Variants in ITPR2 observed in about 807,000 individuals in gnomAD.
ITPR2 encodes inositol 1,4,5-trisphosphate-gated calcium channel ITPR2.
Under a neutral mutation model 317.1 loss-of-function variants are expected in ITPR2, and 207 were observed. The observed-to-expected ratio is 0.65, with a 90% CI of 0.58 to 0.73. The LOEUF (loss-of-function observed/expected upper bound fraction) is 0.73, where lower values mean the gene tolerates loss of function less well. Among genes scored for constraint, ITPR2 ranks in the 30% least tolerant of loss-of-function variants. The pLI is 0.00. For missense variants in ITPR2, 2,613 were observed against 3,284.0 expected, an observed-to-expected ratio of 0.80 and a Z score of 4.99; for synonymous variants, 1,156 against 1,149.1, an observed-to-expected ratio of 1.01 and a Z score of -0.12.
At position 26,339,301 on chromosome 12, in the gene ITPR2, A is replaced by G. The variant is rs142306334; in HGVS notation, c.*96T>C. 9.9e-5 allele frequency: 103 copies of G among 1,042,502 alleles called. No homozygotes were observed. The African/African-American group carries it at 1.2e-3, about 12-fold the overall frequency. 64.6% of individuals were successfully genotyped at this position (1,042,502 alleles called of 1,614,324 possible). A position where few individuals can be genotyped will look rare whatever the true frequency, so the allele number is the denominator to read the frequency against. On this transcript the variant is annotated 3_prime_UTR_variant, in exon 57 of 57. Coordinates refer to ENST00000381340, the MANE Select transcript of ITPR2 (RefSeq NM_002223.4). ...GCACTTGGTTGTTTTTAACTTTTCA[A>G]CAATAGGCACTGTTCACTCCCCTCC...
At chr12:26,526,955 T>C (rs1943824003) in intron 37 of ITPR2, among the ~76,000 whole-genome samples, 1 of 152,224 alleles carries the variant, frequency 6.6e-6, no homozygotes. Flanking sequence ...AACCAAACAC[T>C]CAGTCCTGGG....
intron 21 of ITPR2, among the ~76,000 whole-genome samples, chr12:26,647,166 CA>C (rs1947132308): frequency 6.6e-6 from 1 of 152,224 alleles, no homozygotes; most frequent in East Asian, 1.9e-4. Context: ...CAGTCCCGTT[CA>C]AACAGCAAGC....
rs142291530 is a variant in ITPR2, at chr12:26,396,906, A to G, written c.7696+1970T>C. Among the ~76,000 whole-genome samples the G allele has an allele frequency of 2.6e-3, 393 of 152,296 alleles. 1 individual carries two copies. Among genetic ancestry groups the G allele is most frequent in the African/African-American group, 9.0e-3 (376 of 41,570 alleles). ...CTTTCATATCCTTTCCTAAGCATCA[A>G]GATTTAAAGATTTTATCTCCTAAAT... is the stretch of plus-strand genomic sequence containing the variant. On this transcript the variant is annotated intron_variant, in intron 54 of 56. Transcript: ENST00000381340.
At chr12:26,630,800 TC>T (rs911540651) in intron 22 of ITPR2, 3 of 152,150 alleles carry the variant, frequency 2.0e-5, no homozygotes, top group Non-Finnish European at 4.4e-5. Flanking sequence ...TTAGAGTTTG[TC>T]CCATGAGTCA....
intron 21 of ITPR2, among the ~76,000 whole-genome samples, chr12:26,647,900 AC>A (rs1439760017): frequency 6.6e-6 from 1 of 152,158 alleles, no homozygotes; most frequent in Non-Finnish European, 1.5e-5. Context: ...TTCTGAACGG[AC>A]CACCTTTAGG....
chr12:26,646,491 C>G (rs1359021104), intron 21 of ITPR2, among the ~76,000 whole-genome samples: 1 of 152,142 alleles, frequency 6.6e-6, no homozygotes, highest in African/African-American at 2.4e-5. Flanking sequence ...GGCTCTTTGC[C>G]AGGAGATGGA....
At chr12:26,643,046 A>G (rs573995296) in intron 21 of ITPR2, among the ~76,000 whole-genome samples, 97 of 152,318 alleles carry the variant, frequency 6.4e-4, no homozygotes, top group South Asian at 1.7e-3. Context: ...AGGAGTCCTC[A>G]TGAATGGGAC....
rs188611737 is a variant in ITPR2 at position 26,399,731 on chromosome 12, T to C, written c.7530+397A>G. Reference sequence around the variant, plus strand: ...CCTGTTAGAATTTGCTCAAATGTTATATTTATCATAGATAAATGATGGAGG... The same window carrying C: ...CCTGTTAGAATTTGCTCAAATGTTACATTTATCATAGATAAATGATGGAGG... On this transcript the variant is annotated intron_variant, in intron 53 of 56. Coordinates refer to ENST00000381340, the MANE Select transcript of ITPR2 (RefSeq NM_002223.4). Among the ~76,000 whole-genome samples, 5 of 152,356 alleles carry C rather than the reference T, an allele frequency of 3.3e-5. No homozygotes were observed. In the East Asian group the frequency reaches 9.6e-4, roughly 29 times the overall value.
rs1455973795 is a variant in ITPR2 at position 26,387,567 on chromosome 12, T to C, written c.7724A>G (p.Lys2575Arg). The change falls in exon 55 of 57, where the codon AAA becomes AGA. Residue 2575 changes from lysine to arginine, a missense_variant. Physicochemically the swap from Lys to Arg is conservative, Grantham distance 26 (BLOSUM62 2). This residue lies in a region of ITPR2 where 28 missense variants were observed against 76.0 expected (regional missense o/e 0.37). Transcript: ENST00000381340. ...AATGTGCTCCTCAAATGAAACCGTT[T>C]TATTATCAAACTTGTCTCTCTCAAG... is the stretch of plus-strand genomic sequence containing the variant. ...CGLERDKFDN[K>R]TVSFEEHIKS... The C allele has an allele frequency of 1.9e-6, 3 of 1,613,664 alleles. No individual in the cohort carries two copies. The Middle Eastern group carries it at 5.0e-4, about 267-fold the overall frequency.
In ITPR2 at chr12:26,443,537, G is replaced by A. The variant is rs1310429967; in HGVS notation, c.6450+6C>T. The A allele has an allele frequency of 4.4e-6, 7 of 1,590,164 alleles. No homozygotes were observed. The South Asian group carries it at 7.8e-5, about 18-fold the overall frequency. ...TGGTCTCTTTCAATAAATAATAGATGGTTACCTCAATCTGTGCAGTGTGGT... is the reference window on the plus strand; with the variant it reads ...TGGTCTCTTTCAATAAATAATAGATAGTTACCTCAATCTGTGCAGTGTGGT... On this transcript the variant is annotated splice_donor_region_variant and intron_variant, in intron 46 of 56. Coordinates refer to ENST00000381340, the MANE Select transcript of ITPR2 (RefSeq NM_002223.4).
chr12:26,484,263 C>T (rs775561568), intron 41 of ITPR2, among the ~76,000 whole-genome samples: 8 of 147,960 alleles, frequency 5.4e-5, no homozygotes, highest in East Asian at 2.1e-4. Flanking sequence ...AATGGGAAGT[C>T]GGAAAAAGAG....
intron 39 of ITPR2, among the ~76,000 whole-genome samples, chr12:26,489,883 C>T (rs751721146): frequency 6.6e-6 from 1 of 152,098 alleles, no homozygotes; most frequent in Non-Finnish European, 1.5e-5. Flanking sequence ...TGTAAAACCC[C>T]CATGGAACTG....
intron 45 of ITPR2, among the ~76,000 whole-genome samples, chr12:26,449,400 A>G (rs1031221359): frequency 1.3e-5 from 2 of 152,068 alleles, no homozygotes; most frequent in Admixed American, 6.6e-5. Flanking sequence ...CAAAACATCT[A>G]CTTTTTTCTC....
rs1383882409 is a variant in ITPR2 at position 26,354,942 on chromosome 12, G to T, written c.7858-14614C>A. On this transcript the variant is annotated intron_variant, in intron 55 of 56. Coordinates refer to ENST00000381340, the MANE Select transcript of ITPR2 (RefSeq NM_002223.4). The stretch of plus-strand genomic sequence containing the variant: ...GCCTCCCAAAGTGCTGGGATTACAG[G>T]TGTGAGCCACCGTACCTGGCAAGTT... Among the ~76,000 whole-genome samples, 5 of 152,134 alleles carry T rather than the reference G, an allele frequency of 3.3e-5. No homozygotes were observed. In the South Asian group the frequency reaches 1.0e-3, roughly 32 times the overall value.
At chr12:26,804,092 T>G (rs774324324) in intron 1 of ITPR2, among the ~76,000 whole-genome samples, 1 of 152,146 alleles carries the variant, frequency 6.6e-6, no homozygotes, top group Non-Finnish European at 1.5e-5. Context: ...CTGAGTCAAC[T>G]AGTAAATAGA....
chr12:26,452,242 C>T (rs1941759009), intron 45 of ITPR2, among the ~76,000 whole-genome samples: 1 of 151,172 alleles, frequency 6.6e-6, no homozygotes, highest in Non-Finnish European at 1.5e-5. Flanking sequence ...TGAAAATCCA[C>T]CAGTTTTTTT....
chr12:26,631,583 A>C (rs1392670709), intron 22 of ITPR2, among the ~76,000 whole-genome samples: 1 of 152,194 alleles, frequency 6.6e-6, no homozygotes, highest in Non-Finnish European at 1.5e-5. Context: ...GGACAATACT[A>C]ATTTTTTTTA....
At chr12:26,428,603 T>C (rs1941127525) in intron 48 of ITPR2, among the ~76,000 whole-genome samples, 1 of 152,172 alleles carries the variant, frequency 6.6e-6, no homozygotes, top group South Asian at 2.1e-4. Flanking sequence ...CATAGATATG[T>C]GTATGAGTAC....
intron 1 of ITPR2, among the ~76,000 whole-genome samples, chr12:26,811,580 G>C (rs1384287048): frequency 1.3e-5 from 2 of 151,832 alleles, no homozygotes; most frequent in Admixed American, 6.6e-5. Flanking sequence ...CCAGCTACTC[G>C]GGAGGGTGAG....
Sources: gnomAD v4.1 joint callset for allele counts (sites outside exome capture counted in the v4.1 genomes callset) on GRCh38, gnomAD v4.1.1 for gene constraint, gnomAD v4.1.1 regional missense constraint, MANE v1.5 for transcripts, NCBI Gene and HGNC (gene_info 2026-07-23, HGNC 2026-07-21) for gene names.